MINPP1: variants seen among roughly 807,000 people sequenced by gnomAD.
MINPP1 encodes multiple inositol-polyphosphate phosphatase 1.
MINPP1 carries 28 observed loss-of-function variants against 46.1 expected under a neutral mutation model. The observed-to-expected ratio is 0.61, with a 90% confidence interval of 0.45 to 0.83. The LOEUF (loss-of-function observed/expected upper bound fraction) is 0.83. MINPP1 is among the 40% of genes least tolerant of loss of function. The probability of loss-of-function intolerance (pLI) is 0.00; values close to 1 mark genes in which losing one functional copy is unlikely to be tolerated. For synonymous variants in MINPP1, 268 were observed against 249.1 expected, an observed-to-expected ratio of 1.08 and a Z score of -0.72; for missense variants, 603 against 610.0, an observed-to-expected ratio of 0.99 and a Z score of 0.12.
intron 4 of MINPP1, among the ~76,000 whole-genome samples, chr10:87,536,964 T>A (rs1589382184): frequency 1.3e-5 from 2 of 151,868 alleles, no homozygotes; most frequent in Non-Finnish European, 2.9e-5. Context: ...TGAGACAGAG[T>A]CTTACTCTGT....
At chr10:87,549,162 G>A (rs1325724550) in intron 4 of MINPP1, among the ~76,000 whole-genome samples, 1 of 152,126 alleles carries the variant, frequency 6.6e-6, no homozygotes, top group Non-Finnish European at 1.5e-5. Context: ...AAAAAAGGGG[G>A]GAAGGTGTTT....
At chr10:87,528,959 T>C (rs7393957) in intron 4 of MINPP1, among the ~76,000 whole-genome samples, 17,099 of 152,182 alleles carry the variant, frequency 0.11, 2,041 homozygotes, top group East Asian at 0.31. Context: ...TCTACCGTTA[T>C]GTAATGGCCT....
intron 3 of MINPP1, among the ~76,000 whole-genome samples, chr10:87,519,675 A>G (rs770003752): frequency 2.6e-5 from 4 of 152,144 alleles, no homozygotes; most frequent in Non-Finnish European, 5.9e-5. Context: ...TTGTTTTTAT[A>G]TATGGCACTG....
At chr10:87,521,884 C>A (rs746580252) in intron 4 of MINPP1, among the ~76,000 whole-genome samples, 1 of 152,132 alleles carries the variant, frequency 6.6e-6, no homozygotes, top group Non-Finnish European at 1.5e-5. Context: ...TTTGATAGAA[C>A]CTCAATTCCA....
intron 4 of MINPP1, among the ~76,000 whole-genome samples, chr10:87,537,098 A>AT (rs1851746640): frequency 6.6e-6 from 1 of 151,870 alleles, no homozygotes; most frequent in East Asian, 1.9e-4. Context: ...CACCACGCCC[A>AT]GATAATTTTT....
intron 4 of MINPP1, among the ~76,000 whole-genome samples, chr10:87,542,930 G>A (rs967365560): frequency 6.6e-6 from 1 of 152,164 alleles, no homozygotes; most frequent in Admixed American, 6.5e-5. Flanking sequence ...GAGTTTGGAG[G>A]GCAAAGAAGA....
Position 87,552,098 on chromosome 10 carries a change from T to A in MINPP1, c.1084T>A (p.Ser362Thr). ...TATTTGAAGGTCTCAGCCAATTTCT[T>A]CTCCAGTCATCCTCCAGTTTGGTCA... ...EQKQRSQPIS[S>T]PVILQFGHAE... The change falls in exon 5 of 5, where the codon TCT becomes ACT. Residue 362 changes from serine (S) to threonine (T), a missense_variant. This residue lies in a region of MINPP1 where 344 missense variants were observed against 381.1 expected (regional missense o/e 0.90). Transcript: ENST00000371996. The A allele has an allele frequency of 6.2e-7, 1 of 1,612,658 alleles. No individual in the cohort carries two copies. Among genetic ancestry groups the A allele is most frequent in the Non-Finnish European group, 8.5e-7 (1 of 1,179,254 alleles).
intron 4 of MINPP1, among the ~76,000 whole-genome samples, chr10:87,548,138 GT>G (rs1386819435): frequency 6.6e-6 from 1 of 152,124 alleles, no homozygotes; most frequent in East Asian, 1.9e-4. Flanking sequence ...CAGCATTTCT[GT>G]TTTAAGACTT....
Position 87,505,693 on chromosome 10 carries a change from G to T in MINPP1, c.637+141G>T, listed in dbSNP as rs1851236796. On this transcript the variant is annotated intron_variant, in intron 1 of 4. Transcript: ENST00000371996. The surrounding 1 kb of genome is among the most constrained non-coding windows in gnomAD (Gnocchi z 4.4). ...CCCAAGCCATCATCCCTCGGGCTAC[G>T]TCCTCCCTGTCGAGGGATATTACAG... 6.7e-6 allele frequency: 5 copies of T among 749,910 alleles called. No homozygotes were observed. The South Asian group carries it at 9.0e-5, about 14-fold the overall frequency. The allele number at this position is 749,910 out of a possible 1,614,324, so 46.5% of individuals were successfully genotyped here.
Position 87,505,404 on chromosome 10 carries a change from G to T in MINPP1, c.489G>T (p.Ser163=). The T allele has an allele frequency of 1.9e-6, 3 of 1,613,866 alleles. No homozygotes were observed. Among genetic ancestry groups the T allele is most frequent in the Non-Finnish European group, 2.5e-6 (3 of 1,179,938 alleles). ...DMRQLALRLA[S]LFPALFSREN... is the part of the protein sequence containing the mutation. ...GACAGCTGGCGCTGCGTCTGGCCTC[G>T]CTCTTCCCGGCCCTTTTCAGCCGTG... The change falls in exon 1 of 5, where the codon TCG becomes TCT. Residue 163 remains serine, a synonymous_variant. Transcript: ENST00000371996. This position sits in a 1 kb window ranked among gnomAD's most constrained non-coding sequence, Gnocchi z 4.4.
At chr10:87,511,227 A>G (rs1462381281) in intron 2 of MINPP1, among the ~76,000 whole-genome samples, 1 of 151,976 alleles carries the variant, frequency 6.6e-6, no homozygotes, top group Non-Finnish European at 1.5e-5. Context: ...TGCTTGTTGT[A>G]TGTTGCTAAT....
chr10:87,526,496 G>A (rs1475913486), intron 4 of MINPP1, among the ~76,000 whole-genome samples: 1 of 152,136 alleles, frequency 6.6e-6, no homozygotes, highest in Non-Finnish European at 1.5e-5. Context: ...TCTGTAGGTT[G>A]CCTGTTCACT....
chr10:87,515,625 G>C (rs145592674), intron 3 of MINPP1, among the ~76,000 whole-genome samples: 1 of 152,146 alleles, frequency 6.6e-6, no homozygotes, highest in African/African-American at 2.4e-5. Flanking sequence ...TGTGAAATAG[G>C]TTTATATGCT....
chr10:87,505,425 C>A lies in MINPP1; in HGVS notation c.510C>A (p.Ser170Arg). Residue 170 changes from serine to arginine, a missense_variant, in exon 1 of 5, where the codon AGC becomes AGA. By Grantham distance (110) the Ser-to-Arg change is moderately radical (BLOSUM62 -1). Around this residue, in one of 3 missense-constraint regions of MINPP1, gnomAD observed 344 missense variants for 381.1 expected, o/e 0.90. Coordinates refer to ENST00000371996, the MANE Select transcript of MINPP1 (RefSeq NM_004897.5). The surrounding 1 kb of genome is among the most constrained non-coding windows in gnomAD (Gnocchi z 4.4). ...RLASLFPALF[S>R]RENYGRLRLI... ...CCTCGCTCTTCCCGGCCCTTTTCAGCCGTGAGAACTACGGCCGCCTGCGGC... is the reference window on the plus strand; with the variant it reads ...CCTCGCTCTTCCCGGCCCTTTTCAGACGTGAGAACTACGGCCGCCTGCGGC... 6.2e-7 allele frequency: 1 copy of A among 1,613,710 alleles called. No individual in the cohort carries two copies. Among genetic ancestry groups the A allele is most frequent in the Non-Finnish European group, 8.5e-7 (1 of 1,179,836 alleles).
At chr10:87,526,733 G>A (rs145780037) in intron 4 of MINPP1, among the ~76,000 whole-genome samples, 1,715 of 152,290 alleles carry the variant, frequency 0.011, 35 homozygotes, top group African/African-American at 0.039. Flanking sequence ...TAAGGTGTGA[G>A]GAAGGGATCC....
At chr10:87,539,414 C>T (rs891822297) in intron 4 of MINPP1, among the ~76,000 whole-genome samples, 3 of 152,110 alleles carry the variant, frequency 2.0e-5, no homozygotes, top group Non-Finnish European at 4.4e-5. Context: ...AAAGAATAGT[C>T]ATTACAATGT....
intron 4 of MINPP1, among the ~76,000 whole-genome samples, chr10:87,530,891 C>T (rs1318631356): frequency 6.6e-6 from 1 of 152,176 alleles, no homozygotes; most frequent in Non-Finnish European, 1.5e-5. Context: ...CCTACCCAAG[C>T]CTCAGCAATG....
chr10:87,515,822 A>ATTTTTTTTTTT (rs71019482), intron 3 of MINPP1, among the ~76,000 whole-genome samples: 1 of 84,106 alleles, frequency 1.2e-5, no homozygotes, highest in African/African-American at 4.6e-5. Flanking sequence ...TTTGTTAAGA[A>ATTTTTTTTTTT]TTTTTTTTTT....
At chr10:87,547,089 T>C (rs1323928142) in intron 4 of MINPP1, among the ~76,000 whole-genome samples, 6 of 152,148 alleles carry the variant, frequency 3.9e-5, no homozygotes, top group Non-Finnish European at 7.4e-5. Context: ...TTCCCACAAA[T>C]AAGAACTGAT....
Sources: gnomAD v4.1 joint callset for allele counts (sites outside exome capture counted in the v4.1 genomes callset) on GRCh38, gnomAD v4.1.1 for gene constraint, gnomAD v4.1.1 regional missense constraint, Gnocchi (gnomAD v3.1) non-coding constraint, MANE v1.5 for transcripts, NCBI Gene and HGNC (gene_info 2026-07-23, HGNC 2026-07-21) for gene names.